Variants in ACP6 observed in about 807,000 individuals in gnomAD.
The protein encoded by ACP6 is acid phosphatase 6, lysophosphatidic.
In ACP6, 48 loss-of-function variants were observed where a neutral mutation model predicts 48.1. The ratio of observed to expected loss-of-function variants is 1.00; its 90% CI spans 0.79 to 1.27. The LOEUF is 1.27. Ranked by LOEUF, ACP6 falls within the 50% of genes most tolerant of loss-of-function variation. The probability of loss-of-function intolerance (pLI) is 0.00; values close to 1 mark genes in which losing one functional copy is unlikely to be tolerated. For synonymous variants in ACP6, 172 were observed against 204.2 expected (o/e 0.84, Z 1.34); for missense variants, 485 against 529.1 (o/e 0.92, Z 0.82).
At chr1:147,652,190 G>A (rs1659957303) in intron 7 of ACP6, 2 of 408,946 alleles carry the variant, frequency 4.9e-6, no homozygotes, top group Admixed American at 8.0e-5. Flanking sequence ...TAAAGCAAAA[G>A]GAAAAGGCAA....
At chr1:147,651,270 G>T (rs1659904002) in intron 7 of ACP6, 1 of 152,136 alleles carries the variant, frequency 6.6e-6, no homozygotes, top group Admixed American at 6.5e-5. Flanking sequence ...CAAAACCAGG[G>T]CTAATTGGAA....
chr1:147,632,720 G>C (rs996266407), intron 5 of ACP6, among the ~76,000 whole-genome samples: 2 of 152,106 alleles, frequency 1.3e-5, no homozygotes. Context: ...TTAATCAGAG[G>C]ACTTACATGC....
At chr1:147,650,102 C>A in intron 8 of ACP6, 41 bp downstream of exon 8, 1 of 1,562,538 alleles carries the variant, frequency 6.4e-7, no homozygotes, top group Non-Finnish European at 8.7e-7. Flanking sequence ...GAAGTTCCCA[C>A]GGCCCTTAGC....
chr1:147,650,199 G>T lies in ACP6; in HGVS notation c.921C>A (p.Ile307=), dbSNP rs781962696. 7 of 1,606,200 alleles carry T rather than the reference G, an allele frequency of 4.4e-6. No individual in the cohort carries two copies. The highest frequency in any genetic ancestry group is 5.9e-6 in the Non-Finnish European group (7 of 1,176,822). Residue 307 remains isoleucine, a synonymous_variant, in exon 8 of 10, where the codon ATC becomes ATA. Transcript: ENST00000583509. ...LQMAVGPFLH[I]LESNLLKAMD... ...TGGCTTTCAGCAGGTTGCTCTCTAGGATGTGGAGGAATGGGCCTACTGCCA... is the reference window on the plus strand; with the variant it reads ...TGGCTTTCAGCAGGTTGCTCTCTAGTATGTGGAGGAATGGGCCTACTGCCA...
chr1:147,635,727 A>C (rs1553207905), intron 5 of ACP6, among the ~76,000 whole-genome samples: 1 of 152,224 alleles, frequency 6.6e-6, no homozygotes, highest in Non-Finnish European at 1.5e-5. Context: ...ATGGAGATGA[A>C]TATAGATTAT....
chr1:147,632,223 A>ACACC (rs782322621), intron 5 of ACP6, among the ~76,000 whole-genome samples: 1 of 148,544 alleles, frequency 6.7e-6, no homozygotes, highest in Non-Finnish European at 1.5e-5. Context: ...ACACACACAC[A>ACACC]CCATCATTTT....
chr1:147,657,491 G>T (rs1354511861), intron 4 of ACP6, among the ~76,000 whole-genome samples: 2 of 152,084 alleles, frequency 1.3e-5, no homozygotes, highest in African/African-American at 4.8e-5. Flanking sequence ...TGCGATCTCG[G>T]CTCACTGCAA....
At chr1:147,662,687 T>C (rs10465883) in intron 1 of ACP6, among the ~76,000 whole-genome samples, 9,929 of 152,280 alleles carry the variant, frequency 0.065, 897 homozygotes, top group African/African-American at 0.21. Flanking sequence ...CTGGTGAAGA[T>C]AGTGTGAACA....
chr1:147,650,180 T>A lies in ACP6; in HGVS notation c.940A>T (p.Lys314Ter). ...FLHILESNLLKAMDSATAPDK... is the reference protein window; with the variant it reads ...FLHILESNLL ...GGGGCAGTGGCAGAGTCCATGGCTT[T>A]CAGCAGGTTGCTCTCTAGGATGTGG... Residue 314 changes from lysine (K) to a stop codon, truncating the protein, a stop_gained, in exon 8 of 10, where the codon AAA (lysine) becomes TAA (stop). Coordinates refer to ENST00000583509, the MANE Select transcript of ACP6 (RefSeq NM_016361.5). LOFTEE classifies it high-confidence loss of function. The A allele has an allele frequency of 6.2e-7, 1 of 1,606,554 alleles. No homozygotes were observed. Among genetic ancestry groups the A allele is most frequent in the Non-Finnish European group, 8.5e-7 (1 of 1,176,900 alleles).
rs1451670571 is a variant in ACP6 at position 147,646,021 on chromosome 1, G to GT, written c.*1401dup. On this transcript the variant is annotated 3_prime_UTR_variant, in exon 10 of 10. Transcript: ENST00000583509. The stretch of plus-strand genomic sequence containing the variant: ...CAATGCAACTGGGTTAGCAGATTTG[G>GT]TGGTTGGGTGTTGGGGGATGTGGAA... The GT allele has an allele frequency of 6.6e-6, 1 of 152,208 alleles. No individual in the cohort carries two copies. Among genetic ancestry groups the GT allele is most frequent in the Non-Finnish European group, 1.5e-5 (1 of 68,050 alleles). 9.4% of individuals were successfully genotyped at this position (152,208 alleles called of 1,614,324 possible).
At chr1:147,652,711 C>G (rs1553210807) in intron 6 of ACP6, 162 bp from the exon 7 acceptor site, 1 of 1,416,292 alleles carries the variant, frequency 7.1e-7, no homozygotes, top group African/African-American at 1.5e-5. Flanking sequence ...AGCTATGTCT[C>G]TAAAGCTCTT....
In ACP6 at chr1:147,643,171, A is replaced by G. The variant is rs1659506214; in HGVS notation, c.*4252T>C. 6.6e-6 allele frequency: 1 copy of G among 152,214 alleles called. No homozygotes were observed. The highest frequency in any genetic ancestry group is 2.4e-5 in the African/African-American group (1 of 41,458). 9.4% of individuals were successfully genotyped at this position (152,214 alleles called of 1,614,324 possible). ...ACCTGAGGTACATTCAGTCCTCAAC[A>G]TCATTGATAGGTTCTTGGAAACTGT... On this transcript the variant is annotated 3_prime_UTR_variant, in exon 10 of 10. Coordinates refer to ENST00000583509, the MANE Select transcript of ACP6 (RefSeq NM_016361.5).
At position 147,655,277 on chromosome 1, in the gene ACP6, G is replaced by T. The variant is rs201812481; in HGVS notation, c.560-29C>A. ...GAAGAAAGGGAGGAAGCACAGGCAGGCAGAGGCTTCAGCTTGTTCTTCCCA... is the reference window on the plus strand; with the variant it reads ...GAAGAAAGGGAGGAAGCACAGGCAGTCAGAGGCTTCAGCTTGTTCTTCCCA... On this transcript the variant is annotated intron_variant, in intron 4 of 9. Coordinates refer to ENST00000583509, the MANE Select transcript of ACP6 (RefSeq NM_016361.5). The T allele has an allele frequency of 2.5e-5, 38 of 1,531,530 alleles. No individual in the cohort carries two copies. The African/African-American group carries it at 4.9e-4, about 20-fold the overall frequency. 94.9% of individuals were successfully genotyped at this position (1,531,530 alleles called of 1,614,324 possible). A position where few individuals can be genotyped will look rare whatever the true frequency, so the allele number is the denominator to read the frequency against.
chr1:147,647,679 A>G (rs1659693246), intron 9 of ACP6, 113 bp from the exon 10 acceptor site: 5 of 1,376,266 alleles, frequency 3.6e-6, no homozygotes, highest in African/African-American at 1.5e-5. Flanking sequence ...ATGTGCATAC[A>G]TATTACAGAC....
At chr1:147,664,545 T>C (rs746413774) in intron 1 of ACP6, among the ~76,000 whole-genome samples, 27 of 152,206 alleles carry the variant, frequency 1.8e-4, no homozygotes, top group Non-Finnish European at 3.5e-4. Flanking sequence ...CCAAAGTGTA[T>C]TAAACGAGCT....
At chr1:147,665,744 G>A (rs2148917017) in intron 1 of ACP6, among the ~76,000 whole-genome samples, 1 of 152,304 alleles carries the variant, frequency 6.6e-6, no homozygotes, top group African/African-American at 2.4e-5. Context: ...CACCAAGAGA[G>A]GACCCTTGGC....
chr1:147,647,815 C>T, intron 9 of ACP6: 3 of 576,254 alleles, frequency 5.2e-6, no homozygotes, highest in Non-Finnish European at 9.0e-6. Flanking sequence ...GCTGGGAGAA[C>T]CAACAGGCTC....
At chr1:147,652,227 C>G in intron 7 of ACP6, 1 of 459,722 alleles carries the variant, frequency 2.2e-6, no homozygotes, top group Admixed American at 3.8e-5. Flanking sequence ...GGTGGTGGCT[C>G]CTGGTTCTGC....
chr1:147,663,018 T>C (rs143935322), intron 1 of ACP6, among the ~76,000 whole-genome samples: 1 of 152,352 alleles, frequency 6.6e-6, no homozygotes, highest in Non-Finnish European at 1.5e-5. Flanking sequence ...GCTCAGGTAA[T>C]CACTAGCACT....
Sources: allele counts gnomAD v4.1 joint callset (sites outside exome capture counted in the v4.1 genomes callset), GRCh38; gene constraint gnomAD v4.1.1; transcripts MANE v1.5; gene names NCBI Gene and HGNC (gene_info 2026-07-23, HGNC 2026-07-21).